The following ZNF91 variants were observed in gnomAD, a reference collection of about 807,000 sequenced individuals.
ZNF91 encodes the protein zinc finger protein 91.
A neutral mutation model predicts 12.6 loss-of-function variants in ZNF91; 7 were observed. That is an observed-to-expected ratio of 0.55 (90% CI 0.31 to 1.04). The LOEUF (loss-of-function observed/expected upper bound fraction) is 1.04, where lower values mean the gene tolerates loss of function less well. Ranked by LOEUF, ZNF91 falls within the 50% of genes least tolerant of loss-of-function variation. The probability of loss-of-function intolerance (pLI) is 0.05; values close to 1 mark genes in which losing one functional copy is unlikely to be tolerated. For synonymous variants in ZNF91, 453 were observed against 462.6 expected (o/e 0.98, Z 0.27); for missense variants, 1,217 against 1,385.4 (o/e 0.88, Z 1.93).
intron 3 of ZNF91, among the ~76,000 whole-genome samples, chr19:23,350,664 C>T (rs1406771647): frequency 1.3e-5 from 2 of 152,122 alleles, no homozygotes; most frequent in African/African-American, 4.8e-5. Context: ...ACTTCTCCCT[C>T]CTCAGGCCCA....
chr19:23,311,897 A>C (rs942208208), upstream of ZNF91, among the ~76,000 whole-genome samples: 1 of 135,496 alleles, frequency 7.4e-6, no homozygotes, highest in Non-Finnish European at 1.6e-5. Flanking sequence ...TGCCTAGGCC[A>C]TGCCAAAAAA....
At chr19:23,384,799 T>G (rs1432843105) in intron 1 of ZNF91, 1 of 677,182 alleles carries the variant, frequency 1.5e-6, no homozygotes, top group Non-Finnish European at 2.7e-6. Flanking sequence ...CAACAGCACC[T>G]CAGACTCTGT....
At chr19:23,373,898 A>C (rs1338518496) in intron 2 of ZNF91, 61 bp from the exon 3 acceptor site, 1 of 1,246,608 alleles carries the variant, frequency 8.0e-7, no homozygotes, top group Non-Finnish European at 1.1e-6. Context: ...CCAACTTAGT[A>C]ATGTGCTCAG....
At chr19:23,311,143 A>C (rs1013142095), upstream of ZNF91, among the ~76,000 whole-genome samples, 4 of 151,664 alleles carry the variant, frequency 2.6e-5, no homozygotes, top group Non-Finnish European at 4.4e-5. Context: ...GATGTGACTC[A>C]CTCTCTTGCC....
At chr19:23,313,986 T>C (rs1181579566), upstream of ZNF91, among the ~76,000 whole-genome samples, 1 of 152,172 alleles carries the variant, frequency 6.6e-6, no homozygotes, top group Non-Finnish European at 1.5e-5. Context: ...GCTCTGATTA[T>C]CACATACACT....
At chr19:23,313,301 C>G (rs1264302793), upstream of ZNF91, among the ~76,000 whole-genome samples, 2 of 152,218 alleles carry the variant, frequency 1.3e-5, no homozygotes, top group African/African-American at 4.8e-5. Flanking sequence ...GGTGATGTGA[C>G]TCTATTATCC....
At position 23,359,924 on chromosome 19, in the gene ZNF91, C is replaced by T; in HGVS notation, c.3055G>A (p.Glu1019Lys). 6.3e-7 allele frequency: 1 copy of T among 1,588,986 alleles called. No homozygotes were observed. Among genetic ancestry groups the T allele is most frequent in the Non-Finnish European group, 8.6e-7 (1 of 1,160,884 alleles). ...LTRHTRMHTGEKPYKCEECGK... is the reference protein window; with the variant it reads ...LTRHTRMHTGKKPYKCEECGK... ...CATTCTTCACATTTGTATGGTTTCT[C>T]TCCAGTGTGCATCCTCGTATGTCTA... The change falls in exon 4 of 4, where the codon GAG becomes AAG. Residue 1019 changes from glutamate to lysine, a missense_variant. By Grantham distance (56) the Glu-to-Lys change is moderately conservative (BLOSUM62 1). Transcript: ENST00000300619.
In ZNF91 at chr19:23,332,014, T is replaced by A. The variant is rs73018400; in HGVS notation, n.117-22917A>T. Among the ~76,000 whole-genome samples, 1,113 of 152,332 alleles carry A rather than the reference T, an allele frequency of 7.3e-3. 4 individuals are homozygous for A. The highest frequency in any genetic ancestry group is 0.012 in the Non-Finnish European group (819 of 68,024). On this transcript the variant is annotated intron_variant and non_coding_transcript_variant, in intron 1 of 1. Transcript: ENST00000596528. ...ATGACATGCTTCTATTACAAACAAA[T>A]CTGTCTAGAGTACTTTTAAATAAGT...
At chr19:23,333,659 T>C (rs1967960519) in intron 1 of ZNF91, among the ~76,000 whole-genome samples, 2 of 152,224 alleles carry the variant, frequency 1.3e-5, no homozygotes, top group Admixed American at 1.3e-4. Flanking sequence ...GTTTCCTGTT[T>C]CTTCCTATCT....
chr19:23,306,305 T>A (rs1387693975), intron 3 of ZNF91, among the ~76,000 whole-genome samples: 1 of 152,178 alleles, frequency 6.6e-6, no homozygotes, highest in African/African-American at 2.4e-5. Context: ...TTCCTGCAGG[T>A]GTGATTGTGA....
Position 23,375,165 on chromosome 19 carries a change from T to A in ZNF91, c.31-401A>T, listed in dbSNP as rs574138108. On this transcript the variant is annotated intron_variant, in intron 1 of 3. Transcript: ENST00000300619. ...TGAGTTAGAAGGTACCACTCAAAAT[T>A]TTTTTTTTTTTTTGAGACAGAGTCT... Among the ~76,000 whole-genome samples the A allele has an allele frequency of 4.5e-4, 67 of 148,798 alleles. 2 individuals carry two copies. The South Asian group carries it at 6.3e-3, about 14-fold the overall frequency.
In ZNF91 at chr19:23,360,607, A is replaced by G; in HGVS notation, c.2372T>C (p.Ile791Thr). The G allele has an allele frequency of 1.2e-6, 2 of 1,613,896 alleles. No homozygotes were observed. The highest frequency in any genetic ancestry group is 1.7e-6 in the Non-Finnish European group (2 of 1,179,944). Residue 791 changes from isoleucine to threonine, a missense_variant, in exon 4 of 4, where the codon ATA (isoleucine) becomes ACA (threonine). Ile to Thr is a moderately conservative substitution (Grantham distance 89). Coordinates refer to ENST00000300619, the MANE Select transcript of ZNF91 (RefSeq NM_003430.4). The stretch of plus-strand genomic sequence containing the variant: ...TTTGTAGGGCTTCTCTCCAGTGTGT[A>G]TCCTCTTATGTCTAGTTAGGGTTGA... ...WSSTLTRHKR[I>T]HTGEKPYKCE...
intron 3 of ZNF91, among the ~76,000 whole-genome samples, chr19:23,352,517 G>A (rs898673843): frequency 1.3e-5 from 2 of 152,024 alleles, no homozygotes; most frequent in Admixed American, 1.3e-4. Flanking sequence ...CTCCAGTCTT[G>A]GAGACAGAGC....
chr19:23,377,457 T>C (rs1969544014), intron 1 of ZNF91, among the ~76,000 whole-genome samples: 1 of 152,222 alleles, frequency 6.6e-6, no homozygotes, highest in Non-Finnish European at 1.5e-5. Flanking sequence ...TATAAATCAC[T>C]TGGTAAACTT....
chr19:23,337,346 G>A (rs958693721), downstream of ZNF91, among the ~76,000 whole-genome samples: 3 of 116,622 alleles, frequency 2.6e-5, no homozygotes, highest in Non-Finnish European at 5.8e-5. Flanking sequence ...ATGTGTGTGT[G>A]TATGTGTGTG....
In ZNF91 at chr19:23,344,346, G is replaced by A. The variant is rs192156554; in HGVS notation, c.254-5292C>T. Among the ~76,000 whole-genome samples the A allele has an allele frequency of 1.4e-3, 218 of 152,060 alleles. 2 individuals are homozygous for A. Among genetic ancestry groups the A allele is most frequent in the African/African-American group, 5.1e-3 (211 of 41,480 alleles). On this transcript the variant is annotated intron_variant, in intron 3 of 3. Transcript: ENST00000599743. ...CCTGACCTCATGATCCGCCCGCCTCGGCCTCCCAAATTGCTGGGATTACAG... is the reference window on the plus strand; with the variant it reads ...CCTGACCTCATGATCCGCCCGCCTCAGCCTCCCAAATTGCTGGGATTACAG...
At position 23,349,225 on chromosome 19, in the gene ZNF91, C is replaced by T. The variant is rs181792947; in HGVS notation, c.254-10171G>A. On this transcript the variant is annotated intron_variant, in intron 3 of 3. Transcript: ENST00000599743. ...TGACCTCTGTGACTCACTCCCAATT[C>T]GTACGCCCCTCCCCTTTTGAAATCC... 3.0e-3 allele frequency among the ~76,000 whole-genome samples: 456 copies of T among 152,210 alleles called. 2 individuals carry two copies. The highest frequency in any genetic ancestry group is 0.02 in the Middle Eastern group (6 of 294).
chr19:23,337,648 A>C (rs949029696), downstream of ZNF91, among the ~76,000 whole-genome samples: 2 of 152,094 alleles, frequency 1.3e-5, no homozygotes, highest in Non-Finnish European at 2.9e-5. Context: ...CTAAGAAAAA[A>C]AAATTCATTG....
rs12976550 is a variant in ZNF91 at position 23,361,420 on chromosome 19, A to G, written c.1559T>C (p.Phe520Ser). Residue 520 changes from phenylalanine to serine, a missense_variant, in exon 4 of 4, where the codon TTT (phenylalanine) becomes TCT (serine). Phe to Ser is a radical substitution (Grantham distance 155). This residue lies in a region of ZNF91 where 726 missense variants were observed against 895.5 expected (regional missense o/e 0.81). Transcript: ENST00000300619. ...IIHTGEKPYK[F>S]EECGKAFRQS... Reference sequence around the variant, plus strand: ...TCTAAAAGCTTTGCCACATTCTTCAAATTTGTAGGGTTTCTCTCCAGTATG... The same window carrying G: ...TCTAAAAGCTTTGCCACATTCTTCAGATTTGTAGGGTTTCTCTCCAGTATG... 5 of 1,591,964 alleles carry G rather than the reference A, an allele frequency of 3.1e-6. No individual in the cohort carries two copies. The highest frequency in any genetic ancestry group is 3.4e-6 in the Non-Finnish European group (4 of 1,171,350).
Sources: allele counts gnomAD v4.1 joint callset (sites outside exome capture counted in the v4.1 genomes callset), GRCh38; gene constraint gnomAD v4.1.1; regional missense constraint gnomAD v4.1.1; transcripts MANE v1.5; gene names NCBI Gene and HGNC (gene_info 2026-07-23, HGNC 2026-07-21).